LMOD3: variants seen among roughly 807,000 people sequenced by gnomAD.
LMOD3 encodes leiomodin-3.
A neutral mutation model predicts 41.8 loss-of-function variants in LMOD3; 31 were observed. The observed-to-expected ratio is 0.74, with a 90% CI of 0.56 to 1.00. The LOEUF (loss-of-function observed/expected upper bound fraction) is 1.00. LMOD3 is among the 50% of genes least tolerant of loss of function. The pLI is 0.00. For synonymous variants in LMOD3, 292 were observed against 241.9 expected (o/e 1.21, Z -1.92); for missense variants, 755 against 679.5 (o/e 1.11, Z -1.23).
chr3:69,113,494 T>C (rs948271241), intron 2 of LMOD3, among the ~76,000 whole-genome samples: 10 of 152,068 alleles, frequency 6.6e-5, no homozygotes, highest in Non-Finnish European at 1.0e-4. Context: ...TGCTGAAGGG[T>C]TTGTAAACTT....
chr3:69,111,606 C>G (rs73835728), intron 2 of LMOD3, among the ~76,000 whole-genome samples: 5,487 of 152,250 alleles, frequency 0.036, 310 homozygotes, highest in East Asian at 0.27. Context: ...AGATGAGGAT[C>G]TCACTGTCAC....
intron 1 of LMOD3, among the ~76,000 whole-genome samples, chr3:69,121,763 A>G (rs111279211): frequency 4.6e-5 from 7 of 152,308 alleles, no homozygotes; most frequent in African/African-American, 1.4e-4. Context: ...ATAAAAAAGA[A>G]AGAGAGAGGT....
chr3:69,113,043 A>G (rs981772345), intron 2 of LMOD3, among the ~76,000 whole-genome samples: 1 of 152,210 alleles, frequency 6.6e-6, no homozygotes, highest in African/African-American at 2.4e-5. Flanking sequence ...GAATTGTAAC[A>G]TTTCCAAAGC....
At chr3:69,116,943 G>A (rs541920273) in intron 2 of LMOD3, among the ~76,000 whole-genome samples, 2 of 152,166 alleles carry the variant, frequency 1.3e-5, no homozygotes, top group African/African-American at 2.4e-5. Context: ...TTCAAAAGAC[G>A]TCTCATCATT....
intron 2 of LMOD3, among the ~76,000 whole-genome samples, chr3:69,110,896 C>CA (rs1022018094): frequency 1.0e-4 from 13 of 129,836 alleles, no homozygotes; most frequent in South Asian, 2.6e-4. Flanking sequence ...TCCCCCAAGA[C>CA]AAAAAAAAAT....
In LMOD3 at chr3:69,118,744, C is replaced by T. The variant is rs1458916205; in HGVS notation, c.1611G>A (p.Gln537=). 1.1e-5 allele frequency: 17 copies of T among 1,612,570 alleles called. No homozygotes were observed. The Admixed American group carries it at 2.7e-4, about 25-fold the overall frequency. The change falls in exon 2 of 3, where the codon CAG becomes CAA. Residue 537 remains glutamine, a synonymous_variant. Coordinates refer to ENST00000420581, the MANE Select transcript of LMOD3 (RefSeq NM_198271.5). ...TGCTGTGACGAATGTCGTTTAGCAGCTGATCTCTGGGAGTGATTTCCACCA... is the reference window on the plus strand; with the variant it reads ...TGCTGTGACGAATGTCGTTTAGCAGTTGATCTCTGGGAGTGATTTCCACCA... ...PPLVEITPRD[Q]LLNDIRHSSV... is the part of the protein sequence containing the mutation.
rs777811622 is a variant in LMOD3, at chr3:69,119,532, C to T, written c.823G>A (p.Val275Ile). 5 of 1,613,842 alleles carry T rather than the reference C, an allele frequency of 3.1e-6. No homozygotes were observed. The highest frequency in any genetic ancestry group is 1.7e-5 in the Admixed American group (1 of 59,994). The change falls in exon 2 of 3, where the codon GTC becomes ATC. Residue 275 changes from valine to isoleucine, a missense_variant. Transcript: ENST00000420581. ...NIPKEMLLDF[V>I]NAMKKNKHIK... ...TGCTTGTTTTTCTTCATTGCATTGA[C>T]AAAGTCCAGTAACATTTCTTTGGGG... is the stretch of plus-strand genomic sequence containing the variant.
At chr3:69,118,277 C>T (rs577618070) in intron 2 of LMOD3, among the ~76,000 whole-genome samples, 2 of 152,104 alleles carry the variant, frequency 1.3e-5, no homozygotes, top group Non-Finnish European at 2.9e-5. Context: ...GACTCAGAAC[C>T]GGGTTTCAAT....
chr3:69,119,717 A>G lies in LMOD3; in HGVS notation c.638T>C (p.Ile213Thr). The G allele has an allele frequency of 6.2e-7, 1 of 1,613,624 alleles. No homozygotes were observed. The highest frequency in any genetic ancestry group is 8.5e-7 in the Non-Finnish European group (1 of 1,179,810). Residue 213 changes from isoleucine to threonine, a missense_variant, in exon 2 of 3, where the codon ATA becomes ACA. By Grantham distance (89) the Ile-to-Thr change is moderately conservative. Coordinates refer to ENST00000420581, the MANE Select transcript of LMOD3 (RefSeq NM_198271.5). ...TAACTTCTTAGGATCTAATTTCGAT[A>G]TTTTTTTCTCACTTTGTTCTTGGGC... is the stretch of plus-strand genomic sequence containing the variant. ...PEAQEQSEKK[I>T]SKLDPKKLAL... is the part of the protein sequence containing the mutation.
intron 2 of LMOD3, among the ~76,000 whole-genome samples, chr3:69,109,586 G>A (rs2107520059): frequency 7.5e-6 from 1 of 133,498 alleles, no homozygotes; most frequent in Admixed American, 8.4e-5. Context: ...GGAGTGCAGT[G>A]ACACCATCTT....
chr3:69,112,233 A>G (rs1264255984), intron 2 of LMOD3, among the ~76,000 whole-genome samples: 1 of 152,234 alleles, frequency 6.6e-6, no homozygotes. Flanking sequence ...AGCATCACAC[A>G]GTGCACACAT....
intron 1 of LMOD3, among the ~76,000 whole-genome samples, chr3:69,121,703 A>G (rs1057128659): frequency 3.3e-5 from 5 of 152,200 alleles, no homozygotes; most frequent in African/African-American, 1.2e-4. Context: ...TGGATGTGCC[A>G]GAGAGACAGA....
At chr3:69,112,912 CT>C (rs1276028104) in intron 2 of LMOD3, among the ~76,000 whole-genome samples, 3 of 152,046 alleles carry the variant, frequency 2.0e-5, no homozygotes, top group Non-Finnish European at 2.9e-5. Flanking sequence ...TATAAAAAAC[CT>C]TTTTTCCCAC....
chr3:69,119,022 C>T lies in LMOD3; in HGVS notation c.1333G>A (p.Glu445Lys), dbSNP rs2092391662. ...GGPKPDSRMQ[E>K]FFQPPPPRPP... The stretch of plus-strand genomic sequence containing the variant: ...CGAGGTGGCGGTGGCTGGAAGAATT[C>T]CTGCATTCTGGAATCTGGCTTGGGT... The change falls in exon 2 of 3, where the codon GAA (glutamate) becomes AAA (lysine). Residue 445 changes from glutamate (E) to lysine (K), a missense_variant. Glu to Lys is a moderately conservative substitution (Grantham distance 56). Coordinates refer to ENST00000420581, the MANE Select transcript of LMOD3 (RefSeq NM_198271.5). 1 of 1,613,440 alleles carries T rather than the reference C, an allele frequency of 6.2e-7. No individual in the cohort carries two copies. The highest frequency in any genetic ancestry group is 1.3e-5 in the African/African-American group (1 of 74,768).
Position 69,107,808 on chromosome 3 carries a change from C to T in LMOD3, c.*1287G>A, listed in dbSNP as rs559363903. 1.3e-5 allele frequency: 2 copies of T among 152,148 alleles called. No homozygotes were observed. The highest frequency in any genetic ancestry group is 1.9e-4 in the East Asian group (1 of 5,166). 9.4% of individuals were successfully genotyped at this position (152,148 alleles called of 1,614,324 possible). A position where few individuals can be genotyped will look rare whatever the true frequency, so the allele number is the denominator to read the frequency against. On this transcript the variant is annotated 3_prime_UTR_variant, in exon 3 of 3. Coordinates refer to ENST00000420581, the MANE Select transcript of LMOD3 (RefSeq NM_198271.5). ...TTGATTTTCTAATTTCTAGGGTTCA[C>T]ACTACTTCTATTATTACAAAAATCT...
rs751645624 is a variant in LMOD3 at position 69,119,751 on chromosome 3, T to C, written c.604A>G (p.Arg202Gly). ...TCACTTTGTTCTTGGGCCTCTGGTC[T>C]GTCTCTCTGTTCTTTGAATGCTTTG... ...TDKAFKEQRD[R>G]PEAQEQSEKK... The change falls in exon 2 of 3, where the codon AGA becomes GGA. Residue 202 changes from arginine (R) to glycine (G), a missense_variant. Arg to Gly is a moderately radical substitution (Grantham distance 125, BLOSUM62 -2). Coordinates refer to ENST00000420581, the MANE Select transcript of LMOD3 (RefSeq NM_198271.5). The C allele has an allele frequency of 6.2e-7, 1 of 1,613,790 alleles. No homozygotes were observed. The highest frequency in any genetic ancestry group is 1.1e-5 in the South Asian group (1 of 91,066).
rs868604471 is a variant in LMOD3 at position 69,119,685 on chromosome 3, C to T, written c.670G>A (p.Asp224Asn). 2 of 1,613,976 alleles carry T rather than the reference C, an allele frequency of 1.2e-6. No individual in the cohort carries two copies. Among genetic ancestry groups the T allele is most frequent in the Middle Eastern group, 3.3e-4 (2 of 6,062 alleles). ...SKLDPKKLAL[D>N]TSFLKVSTRP... is the part of the protein sequence containing the mutation. ...GTACTTACCTTCAAAAAGCTGGTGT[C>T]TAGAGCTAACTTCTTAGGATCTAAT... The change falls in exon 2 of 3, where the codon GAC becomes AAC. Residue 224 changes from aspartate (D) to asparagine (N), a missense_variant. By Grantham distance (23) the Asp-to-Asn change is conservative. Coordinates refer to ENST00000420581, the MANE Select transcript of LMOD3 (RefSeq NM_198271.5).
chr3:69,122,207 C>T lies in LMOD3; in HGVS notation c.180G>A (p.Lys60=). Residue 60 remains lysine, a synonymous_variant, in exon 1 of 3, where the codon AAG becomes AAA. Coordinates refer to ENST00000420581, the MANE Select transcript of LMOD3 (RefSeq NM_198271.5). ...TATGATTGAAGTTTCCTGTCGGTGGCTTGTCAGTTTGATCTTTCTGAATCA... is the reference window on the plus strand; with the variant it reads ...TATGATTGAAGTTTCCTGTCGGTGGTTTGTCAGTTTGATCTTTCTGAATCA... ...VGMIQKDQTD[K]PPTGNFNHKS... 1 of 1,613,448 alleles carries T rather than the reference C, an allele frequency of 6.2e-7. No homozygotes were observed. The highest frequency in any genetic ancestry group is 8.5e-7 in the Non-Finnish European group (1 of 1,179,726).
chr3:69,113,841 T>C (rs2092359919), intron 2 of LMOD3, among the ~76,000 whole-genome samples: 1 of 152,206 alleles, frequency 6.6e-6, no homozygotes, highest in Admixed American at 6.5e-5. Context: ...CACAAGATTT[T>C]TGAAGATGAA....
Sources: gnomAD v4.1 joint callset for allele counts (sites outside exome capture counted in the v4.1 genomes callset) on GRCh38, gnomAD v4.1.1 for gene constraint, MANE v1.5 for transcripts, NCBI Gene and HGNC (gene_info 2026-07-23, HGNC 2026-07-21) for gene names.